NTPCR: variants seen among roughly 807,000 people sequenced by gnomAD.
NTPCR encodes the protein cancer-related nucleoside-triphosphatase.
A neutral mutation model predicts 19.5 loss-of-function variants in NTPCR; 15 were observed. That is an observed-to-expected ratio of 0.77 (90% CI 0.51 to 1.18). The LOEUF is 1.18. Among genes scored for constraint, NTPCR ranks in the 50% most tolerant of loss-of-function variants. The pLI, the probability that NTPCR is intolerant of heterozygous loss-of-function variation, is 0.00. For missense variants in NTPCR, 206 were observed against 240.4 expected (o/e 0.86, Z 0.95); for synonymous variants, 90 against 95.8 (o/e 0.94, Z 0.36).
chr1:232,959,326 C>T (rs1472012016), intron 3 of NTPCR, among the ~76,000 whole-genome samples: 1 of 152,160 alleles, frequency 6.6e-6, no homozygotes, highest in Non-Finnish European at 1.5e-5. Context: ...TGCCTTCCAC[C>T]ATGATTGTAA....
At chr1:232,974,757 A>G (rs751080716) in intron 4 of NTPCR, among the ~76,000 whole-genome samples, 5 of 152,238 alleles carry the variant, frequency 3.3e-5, no homozygotes, top group Non-Finnish European at 5.9e-5. Flanking sequence ...AGAACCAGAC[A>G]TCATTTTATC....
intron 1 of NTPCR, among the ~76,000 whole-genome samples, chr1:232,953,191 A>G (rs988731672): frequency 1.3e-5 from 2 of 152,124 alleles, no homozygotes; most frequent in African/African-American, 4.8e-5. Context: ...CCAGTCCATC[A>G]TGTTGTCACT....
chr1:232,981,791 C>T lies in NTPCR; in HGVS notation c.*3560C>T, dbSNP rs1669290212. The T allele has an allele frequency of 6.7e-6, 1 of 148,810 alleles. No homozygotes were observed. Among genetic ancestry groups the T allele is most frequent in the Non-Finnish European group, 1.5e-5 (1 of 67,632 alleles). The allele number at this position is 148,810 out of a possible 1,614,324, so 9.2% of individuals were successfully genotyped here. A position where few individuals can be genotyped will look rare whatever the true frequency, so the allele number is the denominator to read the frequency against. On this transcript the variant is annotated 3_prime_UTR_variant, in exon 5 of 5. Transcript: ENST00000366628. Reference sequence around the variant, plus strand: ...GGAGTGCAGTGGTGCTATCTCGGCTCACTGTAACCTCCGCCTCCTGGGTTC... The same window carrying T: ...GGAGTGCAGTGGTGCTATCTCGGCTTACTGTAACCTCCGCCTCCTGGGTTC...
Position 232,950,701 on chromosome 1 carries a change from G to C in NTPCR, c.-10G>C. 6.2e-7 allele frequency: 1 copy of C among 1,605,402 alleles called. No individual in the cohort carries two copies. The highest frequency in any genetic ancestry group is 8.5e-7 in the Non-Finnish European group (1 of 1,174,420). ...TCCCCTGACCGCAACCCCTACCCCC[G>C]CCCACCAGTATGGCCCGGCACGTGT... On this transcript the variant is annotated 5_prime_UTR_variant, in exon 1 of 5. Coordinates refer to ENST00000366628, the MANE Select transcript of NTPCR (RefSeq NM_032324.3).
chr1:232,966,645 A>G (rs1485995193), intron 3 of NTPCR: 1 of 152,264 alleles, frequency 6.6e-6, no homozygotes, highest in Non-Finnish European at 1.5e-5. Flanking sequence ...AACCAAAGTT[A>G]TAAAATTATT....
At chr1:232,978,052 A>G (rs770014629) in intron 4 of NTPCR, 111 bp from the exon 5 acceptor site, 25 of 834,204 alleles carry the variant, frequency 3.0e-5, no homozygotes, top group Non-Finnish European at 4.8e-5. Flanking sequence ...GTAACAAAAC[A>G]TACCTCACCC....
At chr1:232,972,557 C>T (rs1669013246) in intron 4 of NTPCR, among the ~76,000 whole-genome samples, 1 of 152,180 alleles carries the variant, frequency 6.6e-6, no homozygotes, top group African/African-American at 2.4e-5. Context: ...TCCCAAAAAG[C>T]TGGGACTACA....
intron 1 of NTPCR, among the ~76,000 whole-genome samples, chr1:232,954,750 C>T (rs1321336736): frequency 2.0e-5 from 3 of 152,150 alleles, no homozygotes; most frequent in South Asian, 2.1e-4. Flanking sequence ...GGCTCCATGA[C>T]GTCAGTGATG....
At chr1:232,959,271 T>A (rs1320293932) in intron 3 of NTPCR, among the ~76,000 whole-genome samples, 1 of 152,068 alleles carries the variant, frequency 6.6e-6, no homozygotes, top group Non-Finnish European at 1.5e-5. Context: ...TCCCCTGCAC[T>A]CTCTCTCTCC....
chr1:232,973,588 C>T (rs1669048175), intron 4 of NTPCR, among the ~76,000 whole-genome samples: 1 of 152,150 alleles, frequency 6.6e-6, no homozygotes, highest in African/African-American at 2.4e-5. Flanking sequence ...CAGATCTCAA[C>T]AGCAAGGTGA....
intron 4 of NTPCR, among the ~76,000 whole-genome samples, chr1:232,973,676 G>C (rs1333257824): frequency 1.3e-5 from 2 of 152,146 alleles, no homozygotes; most frequent in Non-Finnish European, 2.9e-5. Flanking sequence ...AGATACACAT[G>C]AAACAAATGA....
intron 3 of NTPCR, among the ~76,000 whole-genome samples, chr1:232,960,213 C>CAA (rs755184503): frequency 0.21 from 5,836 of 27,188 alleles, 856 homozygotes; most frequent in Non-Finnish European, 0.3. Flanking sequence ...GACTCCATCT[C>CAA]AAAAAAAAAA....
intron 3 of NTPCR, chr1:232,962,857 A>G (rs1416026121): frequency 2.0e-5 from 3 of 152,126 alleles, no homozygotes; most frequent in African/African-American, 7.2e-5. Context: ...AATCTTAGAA[A>G]CTTCCTTTGA....
In NTPCR at chr1:232,973,740, G is replaced by C. The variant is rs146672865; in HGVS notation, c.504+3622G>C. Among the ~76,000 whole-genome samples, 316 of 152,194 alleles carry C rather than the reference G, an allele frequency of 2.1e-3. 1 individual carries two copies. The highest frequency in any genetic ancestry group is 0.012 in the East Asian group (61 of 5,182). On this transcript the variant is annotated intron_variant, in intron 4 of 4. Transcript: ENST00000366628. ...TTCAGCAAAAACCTAGAAGATAGAA[G>C]AATCAAATGAAAATTTTAGAACTAT...
At position 232,950,822 on chromosome 1, in the gene NTPCR, G is replaced by A. The variant is rs531628729; in HGVS notation, c.34+78G>A. The A allele has an allele frequency of 2.4e-3, 2,329 of 967,026 alleles. 7 individuals carry two copies. Among genetic ancestry groups the A allele is most frequent in the Non-Finnish European group, 3.3e-3 (2,166 of 654,604 alleles). 59.9% of individuals were successfully genotyped at this position (967,026 alleles called of 1,614,324 possible). ...GGGCTGCGGGCGACCTTGTGCTGTCGGGGAGGGTCTCCGGCTCCAGGGCTC... is the reference window on the plus strand; with the variant it reads ...GGGCTGCGGGCGACCTTGTGCTGTCAGGGAGGGTCTCCGGCTCCAGGGCTC... On this transcript the variant is annotated intron_variant, in intron 1 of 4. Coordinates refer to ENST00000366628, the MANE Select transcript of NTPCR (RefSeq NM_032324.3).
At position 232,982,400 on chromosome 1, in the gene NTPCR, T is replaced by C. The variant is rs1669306704; in HGVS notation, c.*4169T>C. The C allele has an allele frequency of 6.6e-6, 1 of 152,228 alleles. No homozygotes were observed. Among genetic ancestry groups the C allele is most frequent in the East Asian group, 1.9e-4 (1 of 5,200 alleles). The allele number at this position is 152,228 out of a possible 1,614,324, so 9.4% of individuals were successfully genotyped here. A position where few individuals can be genotyped will look rare whatever the true frequency, so the allele number is the denominator to read the frequency against. ...TGCACACTCGAGATGCCCGCTCTCA[T>C]AGACGGTGCAGAGCGTCACTGCATT... is the stretch of plus-strand genomic sequence containing the variant. On this transcript the variant is annotated 3_prime_UTR_variant, in exon 5 of 5. Coordinates refer to ENST00000366628, the MANE Select transcript of NTPCR (RefSeq NM_032324.3).
At chr1:232,976,225 A>C (rs1406643154) in intron 4 of NTPCR, 3 of 1,278,100 alleles carry the variant, frequency 2.3e-6, no homozygotes. Flanking sequence ...TATAATGATC[A>C]AATCAGGGTA....
intron 4 of NTPCR, among the ~76,000 whole-genome samples, chr1:232,971,006 G>A (rs1668960762): frequency 6.6e-6 from 1 of 152,264 alleles, no homozygotes; most frequent in African/African-American, 2.4e-5. Context: ...CACTGCTGTA[G>A]ACCACATGTG....
chr1:232,962,337 A>G (rs1463364776), intron 3 of NTPCR: 1 of 152,210 alleles, frequency 6.6e-6, no homozygotes, highest in Non-Finnish European at 1.5e-5. Flanking sequence ...AATTCTCCAC[A>G]GCCCAAAACA....
Sources: gnomAD v4.1 joint callset for allele counts (sites outside exome capture counted in the v4.1 genomes callset) on GRCh38, gnomAD v4.1.1 for gene constraint, MANE v1.5 for transcripts, NCBI Gene and HGNC (gene_info 2026-07-23, HGNC 2026-07-21) for gene names.